Variants in GABRA4 observed in about 807,000 individuals in gnomAD.
GABRA4 encodes gamma-aminobutyric acid receptor subunit alpha-4.
In GABRA4, 12 loss-of-function variants were observed where a neutral mutation model predicts 49.7. The ratio of observed to expected loss-of-function variants is 0.24; its 90% CI spans 0.15 to 0.39. The LOEUF (loss-of-function observed/expected upper bound fraction) is 0.39, where lower values mean the gene tolerates loss of function less well. Ranked by LOEUF, GABRA4 falls within the 10% of genes least tolerant of loss-of-function variation. GABRA4 has a pLI of 1.00. For missense variants in GABRA4, 506 were observed against 686.0 expected, an observed-to-expected ratio of 0.74 and a Z score of 2.93; for synonymous variants, 288 against 240.2, an observed-to-expected ratio of 1.20 and a Z score of -1.84.
chr4:46,928,194 C>A lies in GABRA4; in HGVS notation c.*31G>T, dbSNP rs1560459849. 6.7e-7 allele frequency: 1 copy of A among 1,494,878 alleles called. No individual in the cohort carries two copies. The highest frequency in any genetic ancestry group is 9.0e-7 in the Non-Finnish European group (1 of 1,110,710). 92.6% of individuals were successfully genotyped at this position (1,494,878 alleles called of 1,614,324 possible). A position where few individuals can be genotyped will look rare whatever the true frequency, so the allele number is the denominator to read the frequency against. Reference sequence around the variant, plus strand: ...TTAAAAAGACATTCTGCATTTTCATCATCTTTTAGCAAACTACTATAGCAA... The same window carrying A: ...TTAAAAAGACATTCTGCATTTTCATAATCTTTTAGCAAACTACTATAGCAA... On this transcript the variant is annotated 3_prime_UTR_variant, in exon 9 of 9. Transcript: ENST00000264318.
chr4:46,983,502 T>A (rs752684184), intron 2 of GABRA4, among the ~76,000 whole-genome samples: 3 of 152,172 alleles, frequency 2.0e-5, no homozygotes, highest in Non-Finnish European at 4.4e-5. Flanking sequence ...TAAAAACCCA[T>A]CAAAAGGAAA....
At chr4:46,974,861 C>T (rs1723084996) in intron 5 of GABRA4, among the ~76,000 whole-genome samples, 1 of 151,934 alleles carries the variant, frequency 6.6e-6, no homozygotes, top group African/African-American at 2.4e-5. Flanking sequence ...GAGAGCTCCC[C>T]TGGGGTCACC....
At chr4:46,966,475 T>A (rs1722756129) in intron 7 of GABRA4, among the ~76,000 whole-genome samples, 1 of 151,904 alleles carries the variant, frequency 6.6e-6, no homozygotes, top group East Asian at 1.9e-4. Flanking sequence ...ATTCAGAATT[T>A]TGTTGTATTC....
chr4:46,965,131 C>T lies in GABRA4; in HGVS notation c.973G>A (p.Val325Ile), dbSNP rs746717514. 2 of 1,612,100 alleles carry T rather than the reference C, an allele frequency of 1.2e-6. No homozygotes were observed. Among genetic ancestry groups the T allele is most frequent in the African/African-American group, 2.7e-5 (2 of 74,818 alleles). The change falls in exon 8 of 9, where the codon GTC (valine) becomes ATC (isoleucine). Residue 325 changes from valine to isoleucine, a missense_variant. Coordinates refer to ENST00000264318, the MANE Select transcript of GABRA4 (RefSeq NM_000809.4). ...YATAMDWFIA[V>I]CFAFVFSALI... ...GCCGAAAATACAAAAGCAAAGCAGA[C>T]AGCTATGAACCAGTCCATGGCGGTA...
intron 7 of GABRA4, among the ~76,000 whole-genome samples, chr4:46,970,167 G>A (rs577263236): frequency 1.9e-4 from 29 of 151,382 alleles, no homozygotes; most frequent in South Asian, 4.2e-4. Context: ...AAAAGTTCCC[G>A]TTCTATTTAG....
At chr4:46,939,712 T>G (rs978844932) in intron 8 of GABRA4, among the ~76,000 whole-genome samples, 4 of 151,998 alleles carry the variant, frequency 2.6e-5, no homozygotes, top group Non-Finnish European at 5.9e-5. Flanking sequence ...CAGTTTGGAT[T>G]TGACTTACAT....
chr4:46,985,115 A>G (rs1202565158), intron 2 of GABRA4, among the ~76,000 whole-genome samples: 1 of 152,098 alleles, frequency 6.6e-6, no homozygotes, highest in African/African-American at 2.4e-5. Context: ...AATATGCAAC[A>G]ATAAGAATGA....
intron 8 of GABRA4, among the ~76,000 whole-genome samples, chr4:46,964,032 G>T (rs753205414): frequency 2.0e-5 from 3 of 151,788 alleles, no homozygotes; most frequent in Non-Finnish European, 2.9e-5. Flanking sequence ...ACTGATAAAT[G>T]ATTAGAGAAA....
Position 46,928,403 on chromosome 4 carries a change from G to T in GABRA4, c.1487C>A (p.Thr496Asn). ...IKTTVNTIGA[T>N]GKLSATPPPS... ...AGGAGGAGTAGCTGACAACTTCCCA[G>T]TAGCCCCTATGGTATTAACTGTGGT... The change falls in exon 9 of 9, where the codon ACT becomes AAT. Residue 496 changes from threonine to asparagine, a missense_variant. By Grantham distance (65) the Thr-to-Asn change is moderately conservative. Around this residue, in one of 5 missense-constraint regions of GABRA4, gnomAD observed 243 missense variants for 210.8 expected, o/e 1.15. Transcript: ENST00000264318. The T allele has an allele frequency of 6.2e-7, 1 of 1,613,690 alleles. No homozygotes were observed. The highest frequency in any genetic ancestry group is 2.2e-5 in the East Asian group (1 of 44,854).
At chr4:46,928,821 G>A (rs1393692155) in intron 8 of GABRA4, 66 bp from the exon 9 acceptor site, 5 of 1,077,084 alleles carry the variant, frequency 4.6e-6, no homozygotes, top group South Asian at 3.3e-5. Flanking sequence ...AAAATTTAAA[G>A]GGATCAAAAT....
rs1460625948 is a variant in GABRA4 at position 46,923,430 on chromosome 4, G to A, written c.*4795C>T. On this transcript the variant is annotated 3_prime_UTR_variant, in exon 9 of 9. Transcript: ENST00000264318. ...TTATAAAACTCTGTCTTTTAATCAA[G>A]CAATCTACTCTTCTAGACAAACATA... 1 of 151,916 alleles carries A rather than the reference G, an allele frequency of 6.6e-6. No homozygotes were observed. The highest frequency in any genetic ancestry group is 6.6e-5 in the Admixed American group (1 of 15,242). 9.4% of individuals were successfully genotyped at this position (151,916 alleles called of 1,614,324 possible).
intron 8 of GABRA4, among the ~76,000 whole-genome samples, chr4:46,950,532 C>A (rs1722132463): frequency 6.6e-6 from 1 of 151,784 alleles, no homozygotes; most frequent in Non-Finnish European, 1.5e-5. Flanking sequence ...TCTTTAAAAG[C>A]CATTTTTCTC....
chr4:46,946,303 A>G (rs1266749213), intron 8 of GABRA4, among the ~76,000 whole-genome samples: 1 of 152,152 alleles, frequency 6.6e-6, no homozygotes. Flanking sequence ...CCTTCATTTA[A>G]GACATTCAAT....
chr4:46,980,018 G>A (rs945819822), intron 2 of GABRA4, among the ~76,000 whole-genome samples: 1 of 152,066 alleles, frequency 6.6e-6, no homozygotes, highest in South Asian at 2.1e-4. Context: ...AAATCAGAAA[G>A]TTTGGAGTTC....
rs142211586 is a variant in GABRA4 at position 46,959,834 on chromosome 4, A to ATATATATG, written c.1134+5135_1134+5136insCATATATA. 1.8e-3 allele frequency among the ~76,000 whole-genome samples: 251 copies of ATATATATG among 140,276 alleles called. 1 individual carries two copies. Among genetic ancestry groups the ATATATATG allele is most frequent in the Admixed American group, 4.1e-3 (57 of 13,872 alleles). 92.0% of individuals were successfully genotyped at this position (140,276 alleles called of 152,430 possible). On this transcript the variant is annotated intron_variant, in intron 8 of 8. Coordinates refer to ENST00000264318, the MANE Select transcript of GABRA4 (RefSeq NM_000809.4). ...AAAAATTATGTATATATATATATAT[A>ATATATATG]TGTGTGTGTGTGTGTGTATGTGTGT...
rs1721176043 is a variant in GABRA4, at chr4:46,925,224, A to G, written c.*3001T>C. On this transcript the variant is annotated 3_prime_UTR_variant, in exon 9 of 9. Coordinates refer to ENST00000264318, the MANE Select transcript of GABRA4 (RefSeq NM_000809.4). ...AACTTCTCTGTGACTCATTTCATCA[A>G]AAAAAGTGTGACTCTACTCTCTACC... 1 of 151,924 alleles carries G rather than the reference A, an allele frequency of 6.6e-6. No individual in the cohort carries two copies. The highest frequency in any genetic ancestry group is 1.5e-5 in the Non-Finnish European group (1 of 67,852). The allele number at this position is 151,924 out of a possible 1,614,324, so 9.4% of individuals were successfully genotyped here. A position where few individuals can be genotyped will look rare whatever the true frequency, so the allele number is the denominator to read the frequency against.
Position 46,928,004 on chromosome 4 carries a change from C to T in GABRA4, c.*221G>A. 1 of 436,864 alleles carries T rather than the reference C, an allele frequency of 2.3e-6. No individual in the cohort carries two copies. The highest frequency in any genetic ancestry group is 4.1e-6 in the Non-Finnish European group (1 of 246,220). 27.1% of individuals were successfully genotyped at this position (436,864 alleles called of 1,614,324 possible). On this transcript the variant is annotated 3_prime_UTR_variant, in exon 9 of 9. Coordinates refer to ENST00000264318, the MANE Select transcript of GABRA4 (RefSeq NM_000809.4). Reference sequence around the variant, plus strand: ...CCAGGATGGTGTGTATTCTATCTAACTGAATGCTGAGTTCTTTTAAAATAA... The same window carrying T: ...CCAGGATGGTGTGTATTCTATCTAATTGAATGCTGAGTTCTTTTAAAATAA...
At chr4:46,946,726 G>T (rs368190611) in intron 8 of GABRA4, among the ~76,000 whole-genome samples, 1 of 152,210 alleles carries the variant, frequency 6.6e-6, no homozygotes, top group Non-Finnish European at 1.5e-5. Context: ...TCTGTTGAAT[G>T]AATAGATAAA....
rs191185367 is a variant in GABRA4 at position 46,924,145 on chromosome 4, C to T, written c.*4080G>A. 30 of 152,130 alleles carry T rather than the reference C, an allele frequency of 2.0e-4. No homozygotes were observed. The highest frequency in any genetic ancestry group is 7.2e-4 in the African/African-American group (30 of 41,510). The allele number at this position is 152,130 out of a possible 1,614,324, so 9.4% of individuals were successfully genotyped here. ...AATTAAGTTATGTGGATCTTTTATC[C>T]ACCTCTATCTAGATCAGTGCTATGC... On this transcript the variant is annotated 3_prime_UTR_variant, in exon 9 of 9. Coordinates refer to ENST00000264318, the MANE Select transcript of GABRA4 (RefSeq NM_000809.4).
Sources: allele counts gnomAD v4.1 joint callset (sites outside exome capture counted in the v4.1 genomes callset), GRCh38; gene constraint gnomAD v4.1.1; regional missense constraint gnomAD v4.1.1; transcripts MANE v1.5; gene names NCBI Gene and HGNC (gene_info 2026-07-23, HGNC 2026-07-21).